MACROD2: variants seen among roughly 807,000 people sequenced by gnomAD.
MACROD2 encodes mono-ADP ribosylhydrolase 2, also known as ADP-ribose glycohydrolase MACROD2.
In MACROD2, 36 loss-of-function variants were observed where a neutral mutation model predicts 70.4. That is an observed-to-expected ratio of 0.51 (90% CI 0.39 to 0.68). The LOEUF (loss-of-function observed/expected upper bound fraction) is 0.68. Ranked by LOEUF, MACROD2 falls within the 30% of genes least tolerant of loss-of-function variation. MACROD2 has a pLI of 0.00. For synonymous variants in MACROD2, 172 were observed against 178.8 expected (o/e 0.96, Z 0.30); for missense variants, 496 against 538.4 (o/e 0.92, Z 0.78).
At chr20:14,660,279 ATAAT>A (rs1454409195) in intron 4 of MACROD2, among the ~76,000 whole-genome samples, 7 of 152,156 alleles carry the variant, frequency 4.6e-5, no homozygotes, top group African/African-American at 1.7e-4. Flanking sequence ...AGATAAATAA[ATAAT>A]TTGTTTCAGA....
intron 2 of MACROD2, among the ~76,000 whole-genome samples, chr20:14,032,654 A>G (rs1044873665): frequency 6.6e-6 from 1 of 151,976 alleles, no homozygotes; most frequent in African/African-American, 2.4e-5. Context: ...TGTAAATGTT[A>G]ACAGTATTTT....
At chr20:15,758,705 A>G (rs1250645406) in intron 8 of MACROD2, among the ~76,000 whole-genome samples, 1 of 151,868 alleles carries the variant, frequency 6.6e-6, no homozygotes, top group East Asian at 2.0e-4. Flanking sequence ...ACACCCAGCT[A>G]GTTTTTTAGT....
At chr20:15,399,077 T>C (rs1447764163) in intron 6 of MACROD2, among the ~76,000 whole-genome samples, 1 of 152,202 alleles carries the variant, frequency 6.6e-6, no homozygotes, top group Admixed American at 6.5e-5. Context: ...CTGTGCCATA[T>C]GATCACCCCA....
At chr20:15,006,063 G>A (rs1259055639) in intron 5 of MACROD2, among the ~76,000 whole-genome samples, 4 of 151,746 alleles carry the variant, frequency 2.6e-5, no homozygotes, top group Non-Finnish European at 5.9e-5. Flanking sequence ...TGTATTCTGT[G>A]CACTATACTA....
intron 2 of MACROD2, among the ~76,000 whole-genome samples, chr20:14,039,925 A>T (rs552766766): frequency 6.6e-6 from 1 of 152,268 alleles, no homozygotes; most frequent in East Asian, 1.9e-4. Context: ...TGATGTCGCT[A>T]ATCTATGTGA....
chr20:14,079,380 A>G (rs1302754689), intron 2 of MACROD2, among the ~76,000 whole-genome samples: 1 of 152,248 alleles, frequency 6.6e-6, no homozygotes. Flanking sequence ...AGAAGATTCA[A>G]TTACATGGGG....
chr20:14,887,176 C>G (rs1317846371), intron 5 of MACROD2, among the ~76,000 whole-genome samples: 1 of 152,048 alleles, frequency 6.6e-6, no homozygotes, highest in African/African-American at 2.4e-5. Context: ...AGGCTTCATA[C>G]TAGTCCACAT....
At chr20:14,487,376 A>G (rs1024811945) in intron 3 of MACROD2, among the ~76,000 whole-genome samples, 4 of 152,210 alleles carry the variant, frequency 2.6e-5, no homozygotes, top group Admixed American at 2.6e-4. Flanking sequence ...AGTAAAAGTG[A>G]TTACTCTTTA....
intron 5 of MACROD2, among the ~76,000 whole-genome samples, chr20:15,220,577 T>C (rs1241432107): frequency 6.6e-6 from 1 of 152,236 alleles, no homozygotes; most frequent in Non-Finnish European, 1.5e-5. Flanking sequence ...TGGAAACTTC[T>C]CAGAAATGTT....
At chr20:15,715,056 A>G (rs2050688313) in intron 8 of MACROD2, among the ~76,000 whole-genome samples, 2 of 152,128 alleles carry the variant, frequency 1.3e-5, no homozygotes, top group South Asian at 4.1e-4. Flanking sequence ...GCCAGTTAAG[A>G]TGTTGTTTAG....
At chr20:15,694,844 G>A (rs1396334595) in intron 8 of MACROD2, among the ~76,000 whole-genome samples, 1 of 152,150 alleles carries the variant, frequency 6.6e-6, no homozygotes, top group Non-Finnish European at 1.5e-5. Flanking sequence ...AATTTTTATA[G>A]TTTCAGGTCT....
chr20:15,368,240 G>C (rs1224844076), intron 6 of MACROD2, among the ~76,000 whole-genome samples: 1 of 151,962 alleles, frequency 6.6e-6, no homozygotes, highest in Non-Finnish European at 1.5e-5. Flanking sequence ...CGCCTACTGA[G>C]TAAGAACACT....
chr20:14,773,150 A>G (rs116190800), intron 5 of MACROD2, among the ~76,000 whole-genome samples: 2,001 of 152,198 alleles, frequency 0.013, 49 homozygotes, highest in African/African-American at 0.046. Flanking sequence ...TGCAGGGCCA[A>G]TTCTAGCTGC....
intron 6 of MACROD2, among the ~76,000 whole-genome samples, chr20:15,311,111 A>G (rs1286942619): frequency 6.6e-6 from 1 of 152,208 alleles, no homozygotes; most frequent in East Asian, 1.9e-4. Context: ...TAAGAAATCC[A>G]GGTGGTAAAT....
At chr20:14,018,734 T>G (rs1261296812) in intron 2 of MACROD2, among the ~76,000 whole-genome samples, 1 of 152,224 alleles carries the variant, frequency 6.6e-6, no homozygotes, top group Admixed American at 6.5e-5. Flanking sequence ...GATGATTGTT[T>G]TAAAGTCTTC....
chr20:15,229,067 G>A (rs934197349), intron 5 of MACROD2, among the ~76,000 whole-genome samples: 2 of 152,132 alleles, frequency 1.3e-5, no homozygotes, highest in Non-Finnish European at 2.9e-5. Context: ...GACTTACAAG[G>A]CATTTTCAAG....
chr20:14,565,719 T>C (rs1979754330), intron 4 of MACROD2, among the ~76,000 whole-genome samples: 1 of 152,004 alleles, frequency 6.6e-6, no homozygotes, highest in African/African-American at 2.4e-5. Flanking sequence ...TTAAACATTT[T>C]ATATGGTGTG....
At chr20:14,137,085 G>A (rs569788403) in intron 3 of MACROD2, among the ~76,000 whole-genome samples, 3 of 152,200 alleles carry the variant, frequency 2.0e-5, no homozygotes, top group South Asian at 2.1e-4. Flanking sequence ...ATATACAGTC[G>A]ACTCTTAAGC....
intron 6 of MACROD2, among the ~76,000 whole-genome samples, chr20:15,327,247 G>T (rs1355100675): frequency 6.6e-6 from 1 of 152,122 alleles, no homozygotes; most frequent in African/African-American, 2.4e-5. Flanking sequence ...GTGTCCTTGT[G>T]TCTTCTGAGA....
Sources: gnomAD v4.1 joint callset for allele counts (sites outside exome capture counted in the v4.1 genomes callset) on GRCh38, gnomAD v4.1.1 for gene constraint, MANE v1.5 for transcripts, NCBI Gene and HGNC (gene_info 2026-07-23, HGNC 2026-07-21) for gene names.